The following HS3ST3A1 variants were observed in gnomAD, a reference collection of about 807,000 sequenced individuals.
The protein encoded by HS3ST3A1 is heparan sulfate-glucosamine 3-sulfotransferase 3A1.
A neutral mutation model predicts 25.7 loss-of-function variants in HS3ST3A1; 19 were observed. The ratio of observed to expected loss-of-function variants is 0.74; its 90% CI spans 0.52 to 1.08. The LOEUF is 1.08. Among genes scored for constraint, HS3ST3A1 ranks in the 50% least tolerant of loss-of-function variants. HS3ST3A1 has a pLI of 0.00. For synonymous variants in HS3ST3A1, 226 were observed against 278.6 expected (o/e 0.81, Z 1.88); for missense variants, 459 against 594.3 (o/e 0.77, Z 2.37).
chr17:13,556,278 C>T (rs772533754), intron 1 of HS3ST3A1, among the ~76,000 whole-genome samples: 43 of 151,956 alleles, frequency 2.8e-4, no homozygotes, highest in African/African-American at 8.0e-4. Flanking sequence ...GAGGCCGGGG[C>T]GGGCAGATCA....
chr17:13,582,305 CTGA>C (rs1384314592), intron 1 of HS3ST3A1, among the ~76,000 whole-genome samples: 2 of 152,146 alleles, frequency 1.3e-5, no homozygotes, highest in Non-Finnish European at 2.9e-5. Flanking sequence ...CTATGCAATT[CTGA>C]TAATAGGCAT....
intron 1 of HS3ST3A1, among the ~76,000 whole-genome samples, chr17:13,521,816 A>G (rs1906253750): frequency 6.6e-6 from 1 of 152,180 alleles, no homozygotes; most frequent in Non-Finnish European, 1.5e-5. Context: ...CTGTGGATAC[A>G]ACTCTTTAGA....
chr17:13,585,843 T>G (rs9747144), intron 1 of HS3ST3A1, among the ~76,000 whole-genome samples: 6 of 91,444 alleles, frequency 6.6e-5, no homozygotes, highest in South Asian at 4.6e-4. Flanking sequence ...CTTCTGCGTT[T>G]TTTTTTTTTT....
chr17:13,509,116 C>A (rs578208063), intron 1 of HS3ST3A1, among the ~76,000 whole-genome samples: 2 of 152,204 alleles, frequency 1.3e-5, no homozygotes, highest in East Asian at 3.9e-4. Flanking sequence ...AAACAAATAA[C>A]ATGACACCTA....
In HS3ST3A1 at chr17:13,496,082, A is replaced by G. The variant is rs1399214934; in HGVS notation, c.*115T>C. The G allele has an allele frequency of 8.7e-6, 11 of 1,260,658 alleles. No homozygotes were observed. In the East Asian group the frequency reaches 1.3e-4, roughly 15 times the overall value. The allele number at this position is 1,260,658 out of a possible 1,614,324, so 78.1% of individuals were successfully genotyped here. ...GAGTGAGAACAATCTCTTAACATTC[A>G]TTGAAAAAAATACTGAAACATATTT... On this transcript the variant is annotated 3_prime_UTR_variant, in exon 2 of 2. Coordinates refer to ENST00000284110, the MANE Select transcript of HS3ST3A1 (RefSeq NM_006042.3).
At chr17:13,510,065 G>A (rs1328730600) in intron 1 of HS3ST3A1, among the ~76,000 whole-genome samples, 1 of 152,206 alleles carries the variant, frequency 6.6e-6, no homozygotes, top group African/African-American at 2.4e-5. Context: ...CTTTTCTTCA[G>A]CCTACCTGGT....
intron 1 of HS3ST3A1, among the ~76,000 whole-genome samples, chr17:13,516,827 C>T (rs140148923): frequency 2.6e-4 from 40 of 152,318 alleles, no homozygotes; most frequent in African/African-American, 8.4e-4. Flanking sequence ...GCTGGGATTA[C>T]AGGCGCCTGC....
rs1908709961 is a variant in HS3ST3A1 at position 13,600,831 on chromosome 17, C to T, written c.299G>A (p.Arg100Gln). ...GCCGTCGTCGCGGGGCGCGGGCGGC[C>T]GGCGCCTCCGCCACTGCGGCAGTTG... Reference protein sequence around the residue: ...LLQLPQWRRRRPPAPRDDGEE... With the variant: ...LLQLPQWRRRQPPAPRDDGEE... The change falls in exon 1 of 2, where the codon CGG (arginine) becomes CAG (glutamine). Residue 100 changes from arginine (R) to glutamine (Q), a missense_variant. Physicochemically the swap from Arg to Gln is conservative, Grantham distance 43 (BLOSUM62 1). Around this residue, in one of 3 missense-constraint regions of HS3ST3A1, gnomAD observed 346 missense variants for 303.9 expected, o/e 1.14. Coordinates refer to ENST00000284110, the MANE Select transcript of HS3ST3A1 (RefSeq NM_006042.3). 2 of 1,415,122 alleles carry T rather than the reference C, an allele frequency of 1.4e-6. No individual in the cohort carries two copies. The highest frequency in any genetic ancestry group is 1.8e-6 in the Non-Finnish European group (2 of 1,096,958). The allele number at this position is 1,415,122 out of a possible 1,614,324, so 87.7% of individuals were successfully genotyped here.
At chr17:13,591,483 T>G (rs1908422179) in intron 1 of HS3ST3A1, among the ~76,000 whole-genome samples, 2 of 152,162 alleles carry the variant, frequency 1.3e-5, no homozygotes, top group Admixed American at 1.3e-4. Context: ...TTCAACAAGA[T>G]AAGTTCTGTG....
intron 1 of HS3ST3A1, among the ~76,000 whole-genome samples, chr17:13,579,943 TAAAAAAAAAAAAAA>T (rs66568347): frequency 6.1e-5 from 5 of 81,948 alleles, no homozygotes; most frequent in South Asian, 4.5e-4. Context: ...TGACTCTGTC[TAAAAAAAAAAAAAA>T]AAAAAAAAAG....
At chr17:13,531,097 CTTAAT>C (rs58407403) in intron 1 of HS3ST3A1, among the ~76,000 whole-genome samples, 9,424 of 152,094 alleles carry the variant, frequency 0.062, 766 homozygotes, top group African/African-American at 0.18. Flanking sequence ...GCTTAAACTT[CTTAAT>C]TTAATCAAGC....
chr17:13,589,759 G>C (rs1361913600), intron 1 of HS3ST3A1, among the ~76,000 whole-genome samples: 1 of 152,240 alleles, frequency 6.6e-6, no homozygotes, highest in East Asian at 1.9e-4. Flanking sequence ...TCGTGGCAGC[G>C]TTTTTTCAAA....
At chr17:13,507,135 GACT>G (rs1035781739) in intron 1 of HS3ST3A1, among the ~76,000 whole-genome samples, 1 of 151,728 alleles carries the variant, frequency 6.6e-6, no homozygotes, top group African/African-American at 2.4e-5. Context: ...TCATGGATAG[GACT>G]ACATTAAAAA....
At chr17:13,588,573 A>G (rs1196847325) in intron 1 of HS3ST3A1, among the ~76,000 whole-genome samples, 2 of 152,210 alleles carry the variant, frequency 1.3e-5, no homozygotes, top group African/African-American at 2.4e-5. Context: ...CTTTCAGCGC[A>G]CACACATCTA....
chr17:13,531,013 T>C (rs1207266392), intron 1 of HS3ST3A1, among the ~76,000 whole-genome samples: 1 of 152,184 alleles, frequency 6.6e-6, no homozygotes, highest in East Asian at 1.9e-4. Context: ...TGTTTCCATT[T>C]GATTGGGTCA....
chr17:13,588,689 ATT>A (rs56739289), intron 1 of HS3ST3A1, among the ~76,000 whole-genome samples: 2 of 147,000 alleles, frequency 1.4e-5, no homozygotes, highest in Non-Finnish European at 1.5e-5. Flanking sequence ...ATGTAGTTCC[ATT>A]TTTTTTTTTT....
chr17:13,590,315 C>T (rs1294441045), intron 1 of HS3ST3A1, among the ~76,000 whole-genome samples: 2 of 110,396 alleles, frequency 1.8e-5, no homozygotes, highest in Admixed American at 2.2e-4. Flanking sequence ...AATTTAATAG[C>T]TCTGTGAGGT....
intron 1 of HS3ST3A1, among the ~76,000 whole-genome samples, chr17:13,512,320 A>C (rs964485478): frequency 2.0e-5 from 3 of 151,124 alleles, no homozygotes; most frequent in South Asian, 4.2e-4. Context: ...AAAAAAAAAA[A>C]AAAAAAACTG....
chr17:13,560,505 T>G (rs1907512763), intron 1 of HS3ST3A1, among the ~76,000 whole-genome samples: 2 of 151,932 alleles, frequency 1.3e-5, no homozygotes, highest in Non-Finnish European at 2.9e-5. Context: ...TAAGTAATCA[T>G]AATACAATCA....
Sources: allele counts gnomAD v4.1 joint callset (sites outside exome capture counted in the v4.1 genomes callset), GRCh38; gene constraint gnomAD v4.1.1; regional missense constraint gnomAD v4.1.1; transcripts MANE v1.5; gene names NCBI Gene and HGNC (gene_info 2026-07-23, HGNC 2026-07-21).